Variants in PPP1R21 observed in about 807,000 individuals in gnomAD.
The protein encoded by PPP1R21 is KLRAQ motif containing 1.
Under a neutral mutation model 112.8 loss-of-function variants are expected in PPP1R21, and 85 were observed. That is an observed-to-expected ratio of 0.75 (90% CI 0.63 to 0.90). The LOEUF is 0.90. Ranked by LOEUF, PPP1R21 falls within the 40% of genes least tolerant of loss-of-function variation. The probability of loss-of-function intolerance (pLI) is 0.00; values close to 1 mark genes in which losing one functional copy is unlikely to be tolerated. For synonymous variants in PPP1R21, 381 were observed against 322.3 expected (o/e 1.18, Z -1.95); for missense variants, 1,199 against 901.5 (o/e 1.33, Z -4.23).
chr2:48,446,873 C>G (rs369990590), intron 1 of PPP1R21, among the ~76,000 whole-genome samples: 2 of 152,174 alleles, frequency 1.3e-5, no homozygotes, highest in Non-Finnish European at 2.9e-5. Flanking sequence ...GCCTCAGCCT[C>G]CTGAGTAGCT....
chr2:48,453,036 C>T (rs917998172), intron 2 of PPP1R21, among the ~76,000 whole-genome samples: 1 of 151,748 alleles, frequency 6.6e-6, no homozygotes, highest in African/African-American at 2.4e-5. Flanking sequence ...TTACTGCAAC[C>T]TCTGCCTCCC....
chr2:48,451,783 T>C (rs990727535), intron 2 of PPP1R21, among the ~76,000 whole-genome samples: 1 of 152,022 alleles, frequency 6.6e-6, no homozygotes, highest in Admixed American at 6.5e-5. Context: ...TCTTGCTCCC[T>C]CTGCTCTCTT....
intron 13 of PPP1R21, among the ~76,000 whole-genome samples, chr2:48,480,529 G>C (rs1210154516): frequency 1.3e-5 from 2 of 152,170 alleles, no homozygotes; most frequent in Non-Finnish European, 2.9e-5. Context: ...GTTTTCAATT[G>C]CTTCTGTGCT....
chr2:48,460,987 C>G (rs1667951280), intron 6 of PPP1R21, 151 bp from the exon 7 acceptor site: 1 of 1,322,656 alleles, frequency 7.6e-7, no homozygotes, highest in African/African-American at 1.6e-5. Flanking sequence ...TTTTTGTTAT[C>G]TTCCTCTTTT....
Position 48,459,835 on chromosome 2 carries a change from C to T in PPP1R21, c.457C>T (p.Gln153Ter), listed in dbSNP as rs1195269875. ...RLATLETEAA[Q>*]HQAVVDGLTR... is the part of the protein sequence containing the mutation. ...GGCCACTCTGGAGACAGAAGCAGCCCAGCACCAAGCTGTGGTTGACGGTCT... is the reference window on the plus strand; with the variant it reads ...GGCCACTCTGGAGACAGAAGCAGCCTAGCACCAAGCTGTGGTTGACGGTCT... Residue 153 changes from glutamine to a stop codon, truncating the protein, a stop_gained, in exon 5 of 22, where the codon CAG becomes TAG. Transcript: ENST00000294952. LOFTEE classifies it high-confidence loss of function. 11 of 1,614,026 alleles carry T rather than the reference C, an allele frequency of 6.8e-6. No individual in the cohort carries two copies. The Admixed American group carries it at 1.8e-4, about 27-fold the overall frequency.
At chr2:48,476,978 G>T (rs1668786002) in intron 12 of PPP1R21, among the ~76,000 whole-genome samples, 1 of 151,920 alleles carries the variant, frequency 6.6e-6, no homozygotes, top group African/African-American at 2.4e-5. Context: ...TGTTGTTGTT[G>T]TTGCTGATGC....
chr2:48,459,840 C>G lies in PPP1R21; in HGVS notation c.462C>G (p.His154Gln). The G allele has an allele frequency of 3.1e-6, 5 of 1,614,138 alleles. No individual in the cohort carries two copies. Among genetic ancestry groups the G allele is most frequent in the Non-Finnish European group, 4.2e-6 (5 of 1,180,038 alleles). The change falls in exon 5 of 22, where the codon CAC becomes CAG. Residue 154 changes from histidine to glutamine, a missense_variant. Physicochemically the swap from His to Gln is conservative, Grantham distance 24. Coordinates refer to ENST00000294952, the MANE Select transcript of PPP1R21 (RefSeq NM_001135629.3). ...CTCTGGAGACAGAAGCAGCCCAGCA[C>G]CAAGCTGTGGTTGACGGTCTCACCC... ...LATLETEAAQHQAVVDGLTRK... is the reference protein window; with the variant it reads ...LATLETEAAQQQAVVDGLTRK...
At chr2:48,500,861 A>T (rs1670079531) in intron 17 of PPP1R21, among the ~76,000 whole-genome samples, 3 of 152,110 alleles carry the variant, frequency 2.0e-5, no homozygotes. Context: ...GTGAGCTGAG[A>T]TCATGCCACT....
intron 13 of PPP1R21, among the ~76,000 whole-genome samples, chr2:48,481,173 G>C (rs1668993916): frequency 6.6e-6 from 1 of 152,144 alleles, no homozygotes; most frequent in African/African-American, 2.4e-5. Context: ...ATTTTTAGTA[G>C]AGATGGGGTT....
At chr2:48,483,772 A>G (rs533025336) in intron 13 of PPP1R21, among the ~76,000 whole-genome samples, 5 of 152,226 alleles carry the variant, frequency 3.3e-5, no homozygotes, top group Middle Eastern at 3.4e-3. Flanking sequence ...CTAATCCACC[A>G]TGTAACTTCT....
Position 48,479,794 on chromosome 2 carries a change from C to T in PPP1R21, c.1226-130C>T, listed in dbSNP as rs917931269. ...CCATTATGTCTGAATGTATCTGCCA[C>T]GATTTTAAGAGGCATTATTTCTAGC... On this transcript the variant is annotated intron_variant, in intron 12 of 21. Coordinates refer to ENST00000294952, the MANE Select transcript of PPP1R21 (RefSeq NM_001135629.3). 16 of 676,692 alleles carry T rather than the reference C, an allele frequency of 2.4e-5. 1 individual carries two copies. Among genetic ancestry groups the T allele is most frequent in the Middle Eastern group, 5.4e-4 (2 of 3,734 alleles). The allele number at this position is 676,692 out of a possible 1,614,324, so 41.9% of individuals were successfully genotyped here. A position where few individuals can be genotyped will look rare whatever the true frequency, so the allele number is the denominator to read the frequency against.
At chr2:48,478,412 T>G (rs1668852322) in intron 12 of PPP1R21, among the ~76,000 whole-genome samples, 1 of 152,238 alleles carries the variant, frequency 6.6e-6, no homozygotes, top group Non-Finnish European at 1.5e-5. Context: ...TGTGCCATGA[T>G]GTTGCTTCTC....
In PPP1R21 at chr2:48,494,058, CAAA is replaced by C. The variant is rs70943344; in HGVS notation, c.1600-1600_1600-1598del. 7.9e-5 allele frequency among the ~76,000 whole-genome samples: 5 copies of C among 63,236 alleles called. 1 individual carries two copies. Among genetic ancestry groups the C allele is most frequent in the Admixed American group, 6.4e-4 (3 of 4,664 alleles). The allele number at this position is 63,236 out of a possible 152,430, so 41.5% of individuals were successfully genotyped here. A position where few individuals can be genotyped will look rare whatever the true frequency, so the allele number is the denominator to read the frequency against. Reference sequence around the variant, plus strand: ...GCAACATAGGGAGACCTCGTCTCTCCAAAAAAAAAAAAAAAAAAAAAAATAGCC... The same window carrying C: ...GCAACATAGGGAGACCTCGTCTCTCCAAAAAAAAAAAAAAAAAAAATAGCC... On this transcript the variant is annotated intron_variant, in intron 15 of 21. Coordinates refer to ENST00000294952, the MANE Select transcript of PPP1R21 (RefSeq NM_001135629.3).
At chr2:48,465,915 C>A (rs1208611759) in intron 9 of PPP1R21, among the ~76,000 whole-genome samples, 1 of 152,102 alleles carries the variant, frequency 6.6e-6, no homozygotes, top group Non-Finnish European at 1.5e-5. Flanking sequence ...ATTAGACTTA[C>A]AGAGGTTTAT....
rs1041027098 is a variant in PPP1R21 at position 48,505,006 on chromosome 2, TAGAA to T, written c.1936-552_1936-549del. On this transcript the variant is annotated intron_variant, in intron 17 of 21. Coordinates refer to ENST00000294952, the MANE Select transcript of PPP1R21 (RefSeq NM_001135629.3). ...GAGACCTTGTGTCTAAAAAAAAAAT[TAGAA>T]AGAAAAAAATCTAGTAGCATTTTAA... Among the ~76,000 whole-genome samples the T allele has an allele frequency of 3.7e-4, 56 of 152,206 alleles. 1 individual carries two copies. Among genetic ancestry groups the T allele is most frequent in the African/African-American group, 7.9e-4 (33 of 41,532 alleles).
intron 1 of PPP1R21, among the ~76,000 whole-genome samples, chr2:48,443,752 T>C (rs918710798): frequency 6.6e-6 from 1 of 152,266 alleles, no homozygotes; most frequent in African/African-American, 2.4e-5. Context: ...ATAAGATCTA[T>C]GCTCTCTCCA....
intron 17 of PPP1R21, among the ~76,000 whole-genome samples, chr2:48,500,295 A>T (rs377711210): frequency 6.6e-6 from 1 of 152,180 alleles, no homozygotes; most frequent in African/African-American, 2.4e-5. Flanking sequence ...TTACGCTCAC[A>T]TGTTTACAAA....
At chr2:48,473,030 A>G (rs1188527998) in intron 11 of PPP1R21, among the ~76,000 whole-genome samples, 1 of 150,664 alleles carries the variant, frequency 6.6e-6, no homozygotes, top group Non-Finnish European at 1.5e-5. Flanking sequence ...AAAAGAATAT[A>G]TAAGTAATTA....
At chr2:48,475,191 A>C (rs1288159831) in intron 12 of PPP1R21, among the ~76,000 whole-genome samples, 1 of 151,910 alleles carries the variant, frequency 6.6e-6, no homozygotes, top group African/African-American at 2.4e-5. Context: ...CATCTCTACA[A>C]AAAATTTAAA....
Sources: gnomAD v4.1 joint callset for allele counts (sites outside exome capture counted in the v4.1 genomes callset) on GRCh38, gnomAD v4.1.1 for gene constraint, MANE v1.5 for transcripts, NCBI Gene and HGNC (gene_info 2026-07-23, HGNC 2026-07-21) for gene names.